The following RMND1 variants were observed in gnomAD, a reference collection of about 807,000 sequenced individuals.
The protein encoded by RMND1 is required for meiotic nuclear division 1 homolog.
Under a neutral mutation model 54.0 loss-of-function variants are expected in RMND1, and 41 were observed. That is an observed-to-expected ratio of 0.76 (90% CI 0.59 to 0.98). RMND1 has a LOEUF of 0.98. Ranked by LOEUF, RMND1 falls within the 50% of genes least tolerant of loss-of-function variation. RMND1 has a pLI of 0.00. For synonymous variants in RMND1, 183 were observed against 181.7 expected (o/e 1.01, Z -0.06); for missense variants, 457 against 532.0 (o/e 0.86, Z 1.39).
rs372796438 is a variant in RMND1, at chr6:151,405,209, G to T, written c.*26C>A. On this transcript the variant is annotated 3_prime_UTR_variant, in exon 12 of 12. Transcript: ENST00000444024. Reference sequence around the variant, plus strand: ...TGATTGTAGAACTTGAATATCTCTTGCAGTGACACTTTGGTTATCACTTGA... The same window carrying T: ...TGATTGTAGAACTTGAATATCTCTTTCAGTGACACTTTGGTTATCACTTGA... 1.7e-5 allele frequency: 27 copies of T among 1,596,346 alleles called. No homozygotes were observed. The highest frequency in any genetic ancestry group is 2.3e-5 in the Non-Finnish European group (27 of 1,164,094).
intron 4 of RMND1, among the ~76,000 whole-genome samples, chr6:151,432,039 G>GA (rs57420849): frequency 0.089 from 13,555 of 151,730 alleles, 1,772 homozygotes; most frequent in African/African-American, 0.29. Context: ...GCATTCAAGT[G>GA]AATCTCCTGC....
In RMND1 at chr6:151,434,056, C is replaced by G. The variant is rs1780530169; in HGVS notation, c.614-826G>C. ...TAGAGATGAGGTCTCACTATGTTGCCCAGGCTGGTCGTGAACTCCTCAGCT... is the reference window on the plus strand; with the variant it reads ...TAGAGATGAGGTCTCACTATGTTGCGCAGGCTGGTCGTGAACTCCTCAGCT... On this transcript the variant is annotated intron_variant, in intron 3 of 11. Transcript: ENST00000444024. 1.3e-5 allele frequency among the ~76,000 whole-genome samples: 2 copies of G among 151,602 alleles called. 1 individual carries two copies. The highest frequency in any genetic ancestry group is 1.3e-4 in the Admixed American group (2 of 15,174).
chr6:151,419,820 G>A (rs988756232), intron 9 of RMND1, among the ~76,000 whole-genome samples: 1 of 151,994 alleles, frequency 6.6e-6, no homozygotes, highest in Admixed American at 6.6e-5. Flanking sequence ...GGACAGGCCT[G>A]TAGAGACACT....
intron 8 of RMND1, 68 bp downstream of exon 8, chr6:151,422,473 A>G (rs181215732): frequency 6.3e-6 from 5 of 790,274 alleles, no homozygotes; most frequent in South Asian, 6.1e-5. Context: ...ATATTGTTAT[A>G]TTGGGAAATT....
chr6:151,449,985 A>AC (rs1401534325), intron 1 of RMND1, among the ~76,000 whole-genome samples: 1 of 152,096 alleles, frequency 6.6e-6, no homozygotes, highest in East Asian at 1.9e-4. Flanking sequence ...CAGTGGCGTG[A>AC]TCGAGGCTCG....
chr6:151,440,090 A>G (rs958467610), intron 2 of RMND1, among the ~76,000 whole-genome samples: 10 of 151,156 alleles, frequency 6.6e-5, no homozygotes, highest in African/African-American at 2.4e-4. Flanking sequence ...CCGAGTAGCT[A>G]GGATTACAGG....
At position 151,445,406 on chromosome 6, in the gene RMND1, CA is replaced by C; in HGVS notation, c.405del (p.Phe135LeufsTer10). ...RHFSSVSTET[F>X]VPKQDFPQVK... ...ACCTGTGGGAAGTCTTGTTTTGGAACAAATGTTTCCGTTGATACAGATGAGA... is the reference window on the plus strand; with the variant it reads ...ACCTGTGGGAAGTCTTGTTTTGGAACAATGTTTCCGTTGATACAGATGAGA... On this transcript the variant is annotated frameshift_variant, in exon 2 of 12. Coordinates refer to ENST00000444024, the MANE Select transcript of RMND1 (RefSeq NM_017909.4). LOFTEE classifies it high-confidence loss of function. 6.2e-7 allele frequency: 1 copy of C among 1,614,026 alleles called. No individual in the cohort carries two copies. Among genetic ancestry groups the C allele is most frequent in the Non-Finnish European group, 8.5e-7 (1 of 1,179,900 alleles).
chr6:151,443,513 A>G (rs59753385), intron 2 of RMND1, among the ~76,000 whole-genome samples: 33,580 of 151,898 alleles, frequency 0.22, 4,123 homozygotes, highest in African/African-American at 0.34. Flanking sequence ...GTTTCACCAT[A>G]TTGGCTAGGC....
At chr6:151,426,672 T>C (rs1704257935) in intron 6 of RMND1, among the ~76,000 whole-genome samples, 1 of 152,206 alleles carries the variant, frequency 6.6e-6, no homozygotes, top group African/African-American at 2.4e-5. Flanking sequence ...TACTACTGAC[T>C]TGTTTTAACT....
At chr6:151,438,684 G>A (rs985972817) in intron 2 of RMND1, among the ~76,000 whole-genome samples, 2 of 152,104 alleles carry the variant, frequency 1.3e-5, no homozygotes, top group Admixed American at 6.5e-5. Flanking sequence ...GATAGAGTAG[G>A]GGGGCCCAGG....
chr6:151,413,822 A>G (rs1056442672), intron 10 of RMND1: 2 of 152,218 alleles, frequency 1.3e-5, no homozygotes, highest in Admixed American at 6.5e-5. Context: ...TCACTAATCA[A>G]TCTTTCTGTG....
At chr6:151,434,385 A>G (rs1391468956) in intron 3 of RMND1, among the ~76,000 whole-genome samples, 1 of 151,586 alleles carries the variant, frequency 6.6e-6, no homozygotes, top group African/African-American at 2.4e-5. Flanking sequence ...GTGATGGGCA[A>G]TTCAGACACA....
chr6:151,440,035 C>G (rs1780731726), intron 2 of RMND1, among the ~76,000 whole-genome samples: 1 of 152,210 alleles, frequency 6.6e-6, no homozygotes, highest in African/African-American at 2.4e-5. Flanking sequence ...CAGCTCACTG[C>G]AACCTCTACC....
chr6:151,440,788 T>C (rs891846758), intron 2 of RMND1, among the ~76,000 whole-genome samples: 4 of 152,246 alleles, frequency 2.6e-5, no homozygotes, highest in Non-Finnish European at 5.9e-5. Context: ...TTAGCCTATT[T>C]GGTAAAAGGA....
chr6:151,419,174 C>G (rs544165880), intron 9 of RMND1, among the ~76,000 whole-genome samples: 1 of 152,054 alleles, frequency 6.6e-6, no homozygotes, highest in African/African-American at 2.4e-5. Flanking sequence ...AACCAATTCT[C>G]ATGCCTCAGC....
intron 11 of RMND1, 73 bp from the exon 12 acceptor site, chr6:151,405,340 G>A: frequency 7.3e-7 from 1 of 1,369,124 alleles, no homozygotes. Context: ...TTCCAAGATT[G>A]TGATTAATGA....
In RMND1 at chr6:151,430,193, A is replaced by T; in HGVS notation, c.690-16T>A. On this transcript the variant is annotated splice_polypyrimidine_tract_variant and intron_variant, in intron 4 of 11. Coordinates refer to ENST00000444024, the MANE Select transcript of RMND1 (RefSeq NM_017909.4). ...AGCTCCTTCCCTGATTTAAAAAAAT[A>T]AAAGAAACAACTAAGATACAGATGG... is the stretch of plus-strand genomic sequence containing the variant. 6.4e-7 allele frequency: 1 copy of T among 1,574,668 alleles called. No homozygotes were observed. Among genetic ancestry groups the T allele is most frequent in the Non-Finnish European group, 8.7e-7 (1 of 1,146,146 alleles).
rs766514351 is a variant in RMND1, at chr6:151,445,361, A to G, written c.451T>C (p.Ser151Pro). ...FPQVKRPLKA[S>P]RTRQPSRTNL... is the part of the protein sequence containing the mutation. ...GTCCTGGATGGCTGTCTGGTCCTGG[A>G]TGCTTTTAGTGGTCTCTTCACCTGT... Residue 151 changes from serine to proline, a missense_variant, in exon 2 of 12, where the codon TCC (serine) becomes CCC (proline). Coordinates refer to ENST00000444024, the MANE Select transcript of RMND1 (RefSeq NM_017909.4). 2 of 1,613,788 alleles carry G rather than the reference A, an allele frequency of 1.2e-6. No individual in the cohort carries two copies. The highest frequency in any genetic ancestry group is 1.3e-5 in the African/African-American group (1 of 74,918).
chr6:151,433,246 A>G lies in RMND1; in HGVS notation c.614-16T>C. The G allele has an allele frequency of 6.3e-7, 1 of 1,584,854 alleles. No individual in the cohort carries two copies. The highest frequency in any genetic ancestry group is 8.6e-7 in the Non-Finnish European group (1 of 1,156,218). ...TTTGCTGCATCTGTGATTTAAAATA[A>G]ACGAACAAAAAAGCTATGTCAAGGT... On this transcript the variant is annotated splice_polypyrimidine_tract_variant and intron_variant, in intron 3 of 11. Transcript: ENST00000444024.
Sources: allele counts gnomAD v4.1 joint callset (sites outside exome capture counted in the v4.1 genomes callset), GRCh38; gene constraint gnomAD v4.1.1; transcripts MANE v1.5; gene names NCBI Gene and HGNC (gene_info 2026-07-23, HGNC 2026-07-21).